Variants in PODXL2 observed in about 807,000 individuals in gnomAD.
PODXL2 encodes podocalyxin-like protein 2.
PODXL2 carries 17 observed loss-of-function variants against 53.4 expected under a neutral mutation model. The ratio of observed to expected loss-of-function variants is 0.32; its 90% confidence interval spans 0.22 to 0.48. The LOEUF (loss-of-function observed/expected upper bound fraction) is 0.48, where lower values mean the gene tolerates loss of function less well. Among genes scored for constraint, PODXL2 ranks in the 20% least tolerant of loss-of-function variants. The pLI is 0.99. For missense variants in PODXL2, 673 were observed against 760.0 expected (o/e 0.89, Z 1.35); for synonymous variants, 311 against 306.7 (o/e 1.01, Z -0.15).
chr3:127,652,038 C>T (rs568189420), intron 2 of PODXL2, among the ~76,000 whole-genome samples: 171 of 150,730 alleles, frequency 1.1e-3, no homozygotes, highest in African/African-American at 4.0e-3. Context: ...TTCTGCTTGT[C>T]AGCTTGCTCC....
At chr3:127,670,704 T>G (rs1358739513) in intron 6 of PODXL2, among the ~76,000 whole-genome samples, 2 of 152,156 alleles carry the variant, frequency 1.3e-5, no homozygotes, top group African/African-American at 4.8e-5. Flanking sequence ...GGAACTGCCC[T>G]GATCCCTCAC....
At chr3:127,649,846 A>G (rs563527917) in intron 2 of PODXL2, among the ~76,000 whole-genome samples, 1 of 152,332 alleles carries the variant, frequency 6.6e-6, no homozygotes, top group South Asian at 2.1e-4. Flanking sequence ...CTGAAGCAGG[A>G]GAATTGCTTG....
At chr3:127,639,103 G>A (rs555351984) in intron 1 of PODXL2, 142 bp from the exon 2 acceptor site, 16 of 817,748 alleles carry the variant, frequency 2.0e-5, no homozygotes, top group East Asian at 1.6e-4. Context: ...CAGAATCCCC[G>A]CAAAGCCTCT....
intron 4 of PODXL2, among the ~76,000 whole-genome samples, chr3:127,663,342 G>A (rs1195909972): frequency 6.6e-6 from 1 of 152,170 alleles, no homozygotes; most frequent in Non-Finnish European, 1.5e-5. Flanking sequence ...TGGCTCTTTA[G>A]AGTTTGCTAA....
chr3:127,672,437 A>G lies in PODXL2; in HGVS notation c.1775A>G (p.Asp592Gly). ...GGGGCGCTCATGGGGGGCAAGCGGG[A>G]CCCCGAGGACTCGGACGTGTTCGAG... ...SWGALMGGKR[D>G]PEDSDVFEED... is the part of the protein sequence containing the mutation. Residue 592 changes from aspartate (D) to glycine (G), a missense_variant, in exon 8 of 8, where the codon GAC becomes GGC. Coordinates refer to ENST00000342480, the MANE Select transcript of PODXL2 (RefSeq NM_015720.4). The G allele has an allele frequency of 1.3e-6, 2 of 1,538,750 alleles. No individual in the cohort carries two copies. The highest frequency in any genetic ancestry group is 1.7e-6 in the Non-Finnish European group (2 of 1,144,612).
intron 6 of PODXL2, 58 bp from the exon 7 acceptor site, chr3:127,671,376 A>C: frequency 2.7e-6 from 4 of 1,496,310 alleles, no homozygotes; most frequent in Non-Finnish European, 3.7e-6. Context: ...CAACCACCCC[A>C]GAGGAGCCAT....
At chr3:127,647,395 C>G (rs1057513029) in intron 2 of PODXL2, among the ~76,000 whole-genome samples, 3 of 152,188 alleles carry the variant, frequency 2.0e-5, no homozygotes, top group African/African-American at 7.2e-5. Context: ...CTAGCCCTTT[C>G]ATTTTCTAAG....
At chr3:127,647,525 A>G (rs559937246) in intron 2 of PODXL2, among the ~76,000 whole-genome samples, 1 of 152,308 alleles carries the variant, frequency 6.6e-6, no homozygotes, top group Non-Finnish European at 1.5e-5. Context: ...CCCAACTCAG[A>G]CAGGCTCACG....
At chr3:127,637,895 G>A (rs971567423) in intron 1 of PODXL2, among the ~76,000 whole-genome samples, 2 of 152,066 alleles carry the variant, frequency 1.3e-5, no homozygotes, top group African/African-American at 2.4e-5. Flanking sequence ...TCAAGCTTAG[G>A]GCCTGCTCAG....
At position 127,644,161 on chromosome 3, in the gene PODXL2, G is replaced by A. The variant is rs9865143; in HGVS notation, c.349+4638G>A. Among the ~76,000 whole-genome samples the A allele has an allele frequency of 5.2e-3, 794 of 152,190 alleles. 6 individuals carry two copies. The highest frequency in any genetic ancestry group is 0.017 in the African/African-American group (724 of 41,516). ...GAGTCTCACTCTGTTGCCCAGGCTG[G>A]AGTGCAGTGGTGTGATCTCTGCTTA... On this transcript the variant is annotated intron_variant, in intron 2 of 7. Transcript: ENST00000342480.
chr3:127,641,245 T>G (rs944504886), intron 2 of PODXL2, among the ~76,000 whole-genome samples: 1 of 151,990 alleles, frequency 6.6e-6, no homozygotes, highest in Admixed American at 6.6e-5. Context: ...ATGTTTAGAG[T>G]TGAGGTTTTG....
chr3:127,630,654 A>G (rs896701045), intron 1 of PODXL2, among the ~76,000 whole-genome samples: 1 of 152,144 alleles, frequency 6.6e-6, no homozygotes, highest in Non-Finnish European at 1.5e-5. Flanking sequence ...TCCCTCGCAC[A>G]TTCCTGTGCA....
chr3:127,667,302 G>A (rs949106325), intron 4 of PODXL2, among the ~76,000 whole-genome samples: 1 of 152,194 alleles, frequency 6.6e-6, no homozygotes, highest in African/African-American at 2.4e-5. Context: ...AGGGAGATTT[G>A]GAGTGGCAGG....
chr3:127,629,266 C>A lies in PODXL2; in HGVS notation c.47C>A (p.Pro16Gln). ...GCCCGGCTGCCGCCGCTGCTTTCGC[C>A]GCTGCTGCTTCTGCTGGTTGGGGGT... ...RAARLPPLLS[P>Q]LLLLLVGGAF... The change falls in exon 1 of 8, where the codon CCG becomes CAG. Residue 16 changes from proline (P) to glutamine (Q), a missense_variant. Coordinates refer to ENST00000342480, the MANE Select transcript of PODXL2 (RefSeq NM_015720.4). This position sits in a 1 kb window ranked among gnomAD's most constrained non-coding sequence, Gnocchi z 6.4. The A allele has an allele frequency of 2.0e-6, 2 of 1,014,892 alleles. No individual in the cohort carries two copies. The highest frequency in any genetic ancestry group is 2.4e-6 in the Non-Finnish European group (2 of 849,342). The allele number at this position is 1,014,892 out of a possible 1,614,324, so 62.9% of individuals were successfully genotyped here. A position where few individuals can be genotyped will look rare whatever the true frequency, so the allele number is the denominator to read the frequency against.
At chr3:127,647,601 C>T (rs1450173208) in intron 2 of PODXL2, among the ~76,000 whole-genome samples, 1 of 152,222 alleles carries the variant, frequency 6.6e-6, no homozygotes, top group Non-Finnish European at 1.5e-5. Flanking sequence ...GCTTCCAGCT[C>T]CAGCACTCGG....
rs542988321 is a variant in PODXL2 at position 127,668,120 on chromosome 3, G to GTA, written c.1207-320_1207-319insAT. Among the ~76,000 whole-genome samples the GTA allele has an allele frequency of 2.9e-3, 434 of 151,964 alleles. 3 individuals carry two copies. Among genetic ancestry groups the GTA allele is most frequent in the African/African-American group, 9.6e-3 (400 of 41,468 alleles). On this transcript the variant is annotated intron_variant, in intron 4 of 7. Coordinates refer to ENST00000342480, the MANE Select transcript of PODXL2 (RefSeq NM_015720.4). Reference sequence around the variant, plus strand: ...TGGCTGCGTGTGTGTGTGTGTGTGTGTGTGTGTGTGTGTGTGTGTGTGTCC... The same window carrying GTA: ...TGGCTGCGTGTGTGTGTGTGTGTGTGTATGTGTGTGTGTGTGTGTGTGTGTCC...
chr3:127,651,205 G>A (rs556747637), intron 2 of PODXL2, among the ~76,000 whole-genome samples: 1 of 152,216 alleles, frequency 6.6e-6, no homozygotes, highest in Non-Finnish European at 1.5e-5. Context: ...GGAGGTTGCA[G>A]TGAGTTGAGA....
Position 127,668,601 on chromosome 3 carries a change from A to T in PODXL2, c.1363+4A>T. The T allele has an allele frequency of 6.6e-7, 1 of 1,519,516 alleles. No individual in the cohort carries two copies. The highest frequency in any genetic ancestry group is 2.1e-5 in the Admixed American group (1 of 47,590). The allele number at this position is 1,519,516 out of a possible 1,614,324, so 94.1% of individuals were successfully genotyped here. ...ATGACACTGGTGGGCGAGCAGGGTGAGCGAGGGCAGGTGATGGGAGGGCCC... is the reference window on the plus strand; with the variant it reads ...ATGACACTGGTGGGCGAGCAGGGTGTGCGAGGGCAGGTGATGGGAGGGCCC... On this transcript the variant is annotated splice_donor_region_variant and intron_variant, in intron 5 of 7. Coordinates refer to ENST00000342480, the MANE Select transcript of PODXL2 (RefSeq NM_015720.4).
At chr3:127,655,298 C>T (rs1394175767) in intron 2 of PODXL2, among the ~76,000 whole-genome samples, 1 of 151,988 alleles carries the variant, frequency 6.6e-6, no homozygotes, top group Non-Finnish European at 1.5e-5. Context: ...CTCAGCTTCT[C>T]TAGAGGCTGA....
Sources: gnomAD v4.1 joint callset for allele counts (sites outside exome capture counted in the v4.1 genomes callset) on GRCh38, gnomAD v4.1.1 for gene constraint, Gnocchi (gnomAD v3.1) non-coding constraint, MANE v1.5 for transcripts, NCBI Gene and HGNC (gene_info 2026-07-23, HGNC 2026-07-21) for gene names.